The following HERC5 variants were observed in gnomAD, a reference collection of about 807,000 sequenced individuals.
HERC5 encodes the protein HECT and RLD domain containing E3 ubiquitin protein ligase 5, also known as E3 ISG15--protein ligase HERC5.
In HERC5, 99 loss-of-function variants were observed where a neutral mutation model predicts 119.6. The observed-to-expected ratio is 0.83, with a 90% CI of 0.70 to 0.98. The LOEUF is 0.98. Ranked by LOEUF, HERC5 falls within the 50% of genes least tolerant of loss-of-function variation. The pLI is 0.00. For synonymous variants in HERC5, 478 were observed against 445.9 expected, an observed-to-expected ratio of 1.07 and a Z score of -0.91; for missense variants, 1,267 against 1,241.3, an observed-to-expected ratio of 1.02 and a Z score of -0.31.
At chr4:88,475,358 T>C (rs1297681758) in intron 11 of HERC5, among the ~76,000 whole-genome samples, 3 of 146,884 alleles carry the variant, frequency 2.0e-5, no homozygotes, top group Non-Finnish European at 4.5e-5. Context: ...GGAGTCTTGC[T>C]CTGTGCCTGG....
chr4:88,503,624 G>A (rs1447392011), intron 20 of HERC5, among the ~76,000 whole-genome samples: 1 of 151,988 alleles, frequency 6.6e-6, no homozygotes, highest in Non-Finnish European at 1.5e-5. Flanking sequence ...TTCTATCCTT[G>A]TCTTGTTTGT....
rs1373194588 is a variant in HERC5 at position 88,506,076 on chromosome 4, T to TC, written c.*199dup. 1.0e-5 allele frequency: 6 copies of TC among 579,582 alleles called. No individual in the cohort carries two copies. Among genetic ancestry groups the TC allele is most frequent in the Non-Finnish European group, 1.8e-5 (6 of 328,106 alleles). The allele number at this position is 579,582 out of a possible 1,614,324, so 35.9% of individuals were successfully genotyped here. ...GGCCGGTTAGAACCCGTGACTGTAT[T>TC]CTCTCCCTTGGATACCCCTATGCCT... On this transcript the variant is annotated 3_prime_UTR_variant, in exon 23 of 23. Transcript: ENST00000264350.
intron 19 of HERC5, 74 bp downstream of exon 19, chr4:88,500,066 C>G: frequency 1.1e-6 from 1 of 880,696 alleles, no homozygotes; most frequent in Non-Finnish European, 1.8e-6. Context: ...CTAAACATGT[C>G]AACTTTTACT....
chr4:88,467,144 ACAC>A lies in HERC5; in HGVS notation c.998_1000del (p.Thr333_Arg334delinsSer). On this transcript the variant is annotated inframe_deletion, in exon 7 of 23. Coordinates refer to ENST00000264350, the MANE Select transcript of HERC5 (RefSeq NM_016323.4). ...AGATGGACAACTGGGAAATGGTGGA[ACAC>A]GTGACCAGCTGATGCCGCTTCCAGT... is the stretch of plus-strand genomic sequence containing the variant. 6.2e-7 allele frequency: 1 copy of A among 1,614,200 alleles called. No homozygotes were observed. The highest frequency in any genetic ancestry group is 8.5e-7 in the Non-Finnish European group (1 of 1,180,022).
At chr4:88,490,477 G>A (rs1413268630) in intron 16 of HERC5, among the ~76,000 whole-genome samples, 1 of 152,002 alleles carries the variant, frequency 6.6e-6, no homozygotes. Flanking sequence ...TTTTTATTGG[G>A]GACCTTAGTT....
Position 88,459,450 on chromosome 4 carries a change from C to A in HERC5, c.369C>A (p.Asn123Lys). 1 of 1,563,072 alleles carries A rather than the reference C, an allele frequency of 6.4e-7. No individual in the cohort carries two copies. Among genetic ancestry groups the A allele is most frequent in the Admixed American group, 2.0e-5 (1 of 49,544 alleles). The change falls in exon 2 of 23, where the codon AAC (asparagine) becomes AAA (lysine). Residue 123 changes from asparagine to lysine, a missense_variant. Physicochemically the swap from Asn to Lys is moderately conservative, Grantham distance 94 (BLOSUM62 0). This residue lies in a region of HERC5 where 777 missense variants were observed against 758.0 expected (regional missense o/e 1.03). Coordinates refer to ENST00000264350, the MANE Select transcript of HERC5 (RefSeq NM_016323.4). ...SSDGKPFEYD[N>K]YSMKHLRFES... ...ATGGAAAACCATTTGAGTATGACAA[C>A]TATAGCATGAAACATCTAAGGTAGG...
chr4:88,477,174 T>C (rs926104659), intron 12 of HERC5, among the ~76,000 whole-genome samples: 2 of 128,652 alleles, frequency 1.6e-5, no homozygotes, highest in Non-Finnish European at 3.2e-5. Context: ...AATAGATAGA[T>C]AGATAGATAG....
intron 10 of HERC5, among the ~76,000 whole-genome samples, chr4:88,472,164 A>C (rs978809056): frequency 7.9e-5 from 12 of 151,934 alleles, no homozygotes; most frequent in African/African-American, 2.7e-4. Context: ...AATTTTTTTA[A>C]TCTATTACAG....
chr4:88,468,796 T>A (rs1740765437), intron 8 of HERC5, among the ~76,000 whole-genome samples: 1 of 152,220 alleles, frequency 6.6e-6, no homozygotes, highest in African/African-American at 2.4e-5. Flanking sequence ...AGTCCATAAC[T>A]TCCCTGCCCT....
intron 4 of HERC5, 103 bp from the exon 5 acceptor site, chr4:88,463,429 T>G: frequency 3.9e-5 from 28 of 712,044 alleles, no homozygotes; most frequent in East Asian, 5.1e-5. Context: ...CAGAATATCA[T>G]GAGAACTGTT....
chr4:88,468,520 C>T (rs1343305839), intron 8 of HERC5, 98 bp downstream of exon 8: 3 of 743,250 alleles, frequency 4.0e-6, no homozygotes, highest in African/African-American at 1.8e-5. Context: ...CATCAGTTTA[C>T]CAGGCTGACT....
Position 88,472,712 on chromosome 4 carries a change from ATAGTGTGTCTGT to A in HERC5, c.1392+211_1392+222del, listed in dbSNP as rs528949293. On this transcript the variant is annotated intron_variant, in intron 11 of 22. Transcript: ENST00000264350. The stretch of plus-strand genomic sequence containing the variant: ...GTCACACAGGTTACAGATATTCTAA[ATAGTGTGTCTGT>A]ACACAAACACACATACACATATATG... 7.1e-3 allele frequency among the ~76,000 whole-genome samples: 1,087 copies of A among 152,332 alleles called. 9 individuals carry two copies. The highest frequency in any genetic ancestry group is 0.024 in the African/African-American group (1,005 of 41,572).
intron 18 of HERC5, 146 bp downstream of exon 18, chr4:88,494,477 G>C (rs866137603): frequency 5.7e-6 from 4 of 700,062 alleles, no homozygotes; most frequent in Non-Finnish European, 9.4e-6. Flanking sequence ...AGAATTGTTG[G>C]ATGATAATTT....
chr4:88,479,620 G>T, intron 13 of HERC5, 113 bp downstream of exon 13: 1 of 722,988 alleles, frequency 1.4e-6, no homozygotes, highest in Non-Finnish European at 2.0e-6. Flanking sequence ...AGTTTATATT[G>T]CTATTTTTTT....
intron 6 of HERC5, among the ~76,000 whole-genome samples, 161 bp downstream of exon 6, chr4:88,464,146 C>G (rs1049244921): frequency 6.9e-6 from 1 of 144,442 alleles, no homozygotes; most frequent in Admixed American, 7.0e-5. Flanking sequence ...ACCCCTTTTA[C>G]TATACATGGT....
intron 11 of HERC5, among the ~76,000 whole-genome samples, chr4:88,474,359 G>A (rs771339874): frequency 3.9e-5 from 6 of 152,188 alleles, no homozygotes; most frequent in Non-Finnish European, 8.8e-5. Flanking sequence ...GATATTCGAG[G>A]CAGCTAGAAA....
intron 19 of HERC5, among the ~76,000 whole-genome samples, chr4:88,500,587 C>T (rs1741920055): frequency 6.6e-6 from 1 of 152,198 alleles, no homozygotes; most frequent in African/African-American, 2.4e-5. Context: ...GGCAGGAGAA[C>T]TAGGATGGGA....
chr4:88,457,159 C>T lies in HERC5; in HGVS notation c.-111C>T. On this transcript the variant is annotated 5_prime_UTR_variant, in exon 1 of 23. Transcript: ENST00000264350. ...GGTTCCCCGACGCCACGCAGCTGCG[C>T]GCAGCTGGTTCCCGCTCTGCAGCGC... 1.6e-6 allele frequency: 2 copies of T among 1,234,048 alleles called. No individual in the cohort carries two copies. The highest frequency in any genetic ancestry group is 2.0e-6 in the Non-Finnish European group (2 of 988,488). 76.4% of individuals were successfully genotyped at this position (1,234,048 alleles called of 1,614,324 possible). A position where few individuals can be genotyped will look rare whatever the true frequency, so the allele number is the denominator to read the frequency against.
Position 88,494,319 on chromosome 4 carries a change from C to T in HERC5, c.2432C>T (p.Pro811Leu). 6.2e-7 allele frequency: 1 copy of T among 1,612,132 alleles called. No homozygotes were observed. The highest frequency in any genetic ancestry group is 8.5e-7 in the Non-Finnish European group (1 of 1,179,380). Residue 811 changes from proline to leucine, a missense_variant, in exon 18 of 23, where the codon CCT becomes CTT. By Grantham distance (98) the Pro-to-Leu change is moderately conservative. Coordinates refer to ENST00000264350, the MANE Select transcript of HERC5 (RefSeq NM_016323.4). ...PSLEDLKELS[P>L]DLGKNLQTLL... Reference sequence around the variant, plus strand: ...TTGGAAGACTTGAAAGAACTCAGTCCTGATTTGGGAAAGTAAGTAAACAGA... The same window carrying T: ...TTGGAAGACTTGAAAGAACTCAGTCTTGATTTGGGAAAGTAAGTAAACAGA...
Sources: allele counts gnomAD v4.1 joint callset (sites outside exome capture counted in the v4.1 genomes callset), GRCh38; gene constraint gnomAD v4.1.1; regional missense constraint gnomAD v4.1.1; transcripts MANE v1.5; gene names NCBI Gene and HGNC (gene_info 2026-07-23, HGNC 2026-07-21).